The following XPNPEP3 variants were observed in gnomAD, a reference collection of about 807,000 sequenced individuals.
XPNPEP3 encodes the protein xaa-Pro aminopeptidase 3.
A neutral mutation model predicts 60.0 loss-of-function variants in XPNPEP3; 41 were observed. The ratio of observed to expected loss-of-function variants is 0.68; its 90% CI spans 0.53 to 0.89. The LOEUF is 0.89. XPNPEP3 is among the 40% of genes least tolerant of loss of function. The pLI is 0.00. For missense variants in XPNPEP3, 598 were observed against 638.9 expected (o/e 0.94, Z 0.69); for synonymous variants, 212 against 223.2 (o/e 0.95, Z 0.45).
intron 7 of XPNPEP3, among the ~76,000 whole-genome samples, chr22:40,916,816 G>A (rs774788950): frequency 1.7e-4 from 26 of 152,160 alleles, no homozygotes; most frequent in Non-Finnish European, 3.4e-4. Context: ...ACAGCCAGGC[G>A]AGGTGCCTCA....
At chr22:40,892,189 C>CT (rs1037887802) in intron 4 of XPNPEP3, among the ~76,000 whole-genome samples, 14 of 149,300 alleles carry the variant, frequency 9.4e-5, no homozygotes, top group Middle Eastern at 3.5e-3. Context: ...TATTTCTTTT[C>CT]TTTTTTTTTT....
At chr22:40,886,805 C>T (rs1037550652) in intron 4 of XPNPEP3, among the ~76,000 whole-genome samples, 22 of 137,660 alleles carry the variant, frequency 1.6e-4, no homozygotes, top group Admixed American at 5.6e-4. Flanking sequence ...CCAGCCTGGG[C>T]GACAGAGCGA....
chr22:40,909,330 A>G (rs752112689), intron 6 of XPNPEP3, 95 bp downstream of exon 6: 6 of 949,164 alleles, frequency 6.3e-6, no homozygotes, highest in Non-Finnish European at 1.0e-5. Context: ...AGCTTTCACA[A>G]ATTAGCTGAC....
chr22:40,921,410 G>C (rs549018588), intron 7 of XPNPEP3, among the ~76,000 whole-genome samples: 2 of 151,578 alleles, frequency 1.3e-5, no homozygotes, highest in Non-Finnish European at 2.9e-5. Context: ...AAGACACTTT[G>C]GGAGGCCAAG....
chr22:40,861,748 C>G, intron 1 of XPNPEP3: 1 of 1,613,492 alleles, frequency 6.2e-7, no homozygotes, highest in Non-Finnish European at 8.5e-7. Context: ...TACTCACATT[C>G]ATCATCAAAA....
At chr22:40,865,082 C>T (rs988181931) in intron 1 of XPNPEP3, among the ~76,000 whole-genome samples, 4 of 152,184 alleles carry the variant, frequency 2.6e-5, no homozygotes, top group Non-Finnish European at 5.9e-5. Flanking sequence ...GATCCTTTGC[C>T]TCCCAGCCAT....
At position 40,911,789 on chromosome 22, in the gene XPNPEP3, C is replaced by G. The variant is rs550288053; in HGVS notation, c.970-2450C>G. On this transcript the variant is annotated intron_variant, in intron 6 of 9. Transcript: ENST00000357137. ...TCCTGGCCTCAAGTGATCTGCCCGC[C>G]TTGGCCTCCCAAAGCGCTGGGATTA... 2.7e-4 allele frequency among the ~76,000 whole-genome samples: 41 copies of G among 152,328 alleles called. 1 individual carries two copies. The South Asian group carries it at 8.5e-3, about 32-fold the overall frequency.
intron 3 of XPNPEP3, 72 bp downstream of exon 3, chr22:40,882,249 G>A (rs1256090408): frequency 1.0e-5 from 16 of 1,556,880 alleles, no homozygotes; most frequent in Non-Finnish European, 1.4e-5. Context: ...GTTTAGACAA[G>A]TCCTTAATTT....
chr22:40,894,514 C>T (rs150030555), intron 4 of XPNPEP3, among the ~76,000 whole-genome samples: 4 of 152,280 alleles, frequency 2.6e-5, no homozygotes, highest in South Asian at 2.1e-4. Context: ...GAAACTTCCT[C>T]GGTCAGCTAT....
rs1490967792 is a variant in XPNPEP3, at chr22:40,932,556, G to C, written c.*6121G>C. ...TCTCTACCTGTGTGTCACTGAGTTTGAGCATCATTATTGTTTGAATCAGAG... is the reference window on the plus strand; with the variant it reads ...TCTCTACCTGTGTGTCACTGAGTTTCAGCATCATTATTGTTTGAATCAGAG... On this transcript the variant is annotated 3_prime_UTR_variant, in exon 10 of 10. Transcript: ENST00000357137. 1 of 152,092 alleles carries C rather than the reference G, an allele frequency of 6.6e-6. No homozygotes were observed. Among genetic ancestry groups the C allele is most frequent in the African/African-American group, 2.4e-5 (1 of 41,416 alleles). The allele number at this position is 152,092 out of a possible 1,614,324, so 9.4% of individuals were successfully genotyped here.
chr22:40,911,809 G>GGA (rs2058178319), intron 6 of XPNPEP3, among the ~76,000 whole-genome samples: 1 of 152,146 alleles, frequency 6.6e-6, no homozygotes. Flanking sequence ...CAAAGCGCTG[G>GGA]GATTACAGGC....
chr22:40,878,698 T>C (rs1281923400), intron 2 of XPNPEP3, among the ~76,000 whole-genome samples: 1 of 152,062 alleles, frequency 6.6e-6, no homozygotes, highest in Non-Finnish European at 1.5e-5. Context: ...GCAATTCTCC[T>C]GCCTCACCCT....
intron 2 of XPNPEP3, chr22:40,870,361 T>G: frequency 8.4e-6 from 2 of 236,822 alleles, no homozygotes; most frequent in South Asian, 9.1e-5. Context: ...TATCTAGATT[T>G]TTTTGCTCTA....
intron 4 of XPNPEP3, among the ~76,000 whole-genome samples, chr22:40,889,004 A>G (rs1230093156): frequency 6.6e-6 from 1 of 151,170 alleles, no homozygotes; most frequent in Admixed American, 6.6e-5. Context: ...CTGCCTTCCT[A>G]ATGGTTTTTT....
At chr22:40,866,459 T>C (rs2057979179) in intron 1 of XPNPEP3, among the ~76,000 whole-genome samples, 1 of 152,112 alleles carries the variant, frequency 6.6e-6, no homozygotes, top group Non-Finnish European at 1.5e-5. Flanking sequence ...ATTTCTGTAA[T>C]CGTATAAGCA....
intron 7 of XPNPEP3, among the ~76,000 whole-genome samples, chr22:40,921,745 A>G (rs2058217400): frequency 6.6e-6 from 1 of 152,158 alleles, no homozygotes; most frequent in African/African-American, 2.4e-5. Flanking sequence ...TTATATGAGC[A>G]TCTTTAAGGC....
chr22:40,869,219 A>C, intron 2 of XPNPEP3, 104 bp downstream of exon 2: 3 of 1,009,150 alleles, frequency 3.0e-6, no homozygotes, highest in Non-Finnish European at 4.7e-6. Flanking sequence ...CTGTTCCATA[A>C]GGTAGCCACT....
Position 40,914,230 on chromosome 22 carries a change from T to C in XPNPEP3, c.970-9T>C, listed in dbSNP as rs117568682. The C allele has an allele frequency of 6.9e-4, 1,121 of 1,613,258 alleles. 17 individuals carry two copies. The East Asian group carries it at 0.02, about 29-fold the overall frequency. ...CTTATCCACTTTAACCTGTCTTACT[T>C]TGTTCCAGGATGGGGAAATGGTGCT... On this transcript the variant is annotated splice_polypyrimidine_tract_variant and intron_variant, in intron 6 of 9. Coordinates refer to ENST00000357137, the MANE Select transcript of XPNPEP3 (RefSeq NM_022098.4).
chr22:40,914,311 C>A lies in XPNPEP3; in HGVS notation c.1042C>A (p.Pro348Thr), dbSNP rs1156753165. The A allele has an allele frequency of 6.2e-7, 1 of 1,613,842 alleles. No individual in the cohort carries two copies. The highest frequency in any genetic ancestry group is 1.1e-5 in the South Asian group (1 of 91,072). The change falls in exon 7 of 10, where the codon CCA becomes ACA. Residue 348 changes from proline (P) to threonine (T), a missense_variant. Pro to Thr is a conservative substitution (Grantham distance 38). Transcript: ENST00000357137. Reference sequence around the variant, plus strand: ...TGTGAGTGACATCACACGTACGTGGCCAGTCAATGGCAGGTAGGGCTTCTA... The same window carrying A: ...TGTGAGTGACATCACACGTACGTGGACAGTCAATGGCAGGTAGGGCTTCTA... ...CYVSDITRTW[P>T]VNGRFTAPQA... is the part of the protein sequence containing the mutation.
Sources: allele counts gnomAD v4.1 joint callset (sites outside exome capture counted in the v4.1 genomes callset), GRCh38; gene constraint gnomAD v4.1.1; transcripts MANE v1.5; gene names NCBI Gene and HGNC (gene_info 2026-07-23, HGNC 2026-07-21).